The following WDFY3 variants were observed in gnomAD, a reference collection of about 807,000 sequenced individuals.
WDFY3 encodes the protein WD repeat and FYVE domain-containing protein 3.
WDFY3 carries 66 observed loss-of-function variants against 409.6 expected under a neutral mutation model. That is an observed-to-expected ratio of 0.16 (90% CI 0.13 to 0.20). The LOEUF is 0.20. Among genes scored for constraint, WDFY3 ranks in the 10% least tolerant of loss-of-function variants. The probability of loss-of-function intolerance (pLI) is 1.00; values close to 1 mark genes in which losing one functional copy is unlikely to be tolerated. For synonymous variants in WDFY3, 1,521 were observed against 1,537.1 expected (o/e 0.99, Z 0.25); for missense variants, 3,031 against 4,298.1 (o/e 0.71, Z 8.24).
chr4:84,839,316 A>G (rs1246937208), intron 6 of WDFY3, among the ~76,000 whole-genome samples: 10 of 152,156 alleles, frequency 6.6e-5, no homozygotes, highest in African/African-American at 2.2e-4. Context: ...TTGGTATAGT[A>G]ACATACATAC....
intron 2 of WDFY3, among the ~76,000 whole-genome samples, chr4:84,912,023 G>T (rs530630184): frequency 3.0e-4 from 45 of 152,288 alleles, no homozygotes; most frequent in Admixed American, 1.2e-3. Flanking sequence ...ACTGTGCGAT[G>T]CTAATTATCT....
chr4:84,702,596 A>G, intron 55 of WDFY3, 90 bp from the exon 56 acceptor site: 1 of 1,162,864 alleles, frequency 8.6e-7, no homozygotes, highest in African/African-American at 1.6e-5. Context: ...CTCCAACTAT[A>G]GTTGGTGACA....
intron 53 of WDFY3, 139 bp downstream of exon 53, chr4:84,708,770 G>A: frequency 1.2e-6 from 1 of 861,088 alleles, no homozygotes; most frequent in Non-Finnish European, 1.7e-6. Flanking sequence ...CAAAATCCTG[G>A]GCTCAAGTGA....
chr4:84,860,183 CTT>C lies in WDFY3; in HGVS notation c.180+227_180+228del, dbSNP rs539583672. On this transcript the variant is annotated intron_variant, in intron 4 of 67. Coordinates refer to ENST00000295888, the MANE Select transcript of WDFY3 (RefSeq NM_014991.6). ...TTTAGACAATGGCTCACAGCTTGCA[CTT>C]TATCTGTTAAAAATCAAAAAGTCTC... Among the ~76,000 whole-genome samples the C allele has an allele frequency of 2.3e-3, 356 of 152,304 alleles. 3 individuals are homozygous for C. Among genetic ancestry groups the C allele is most frequent in the African/African-American group, 8.4e-3 (348 of 41,576 alleles).
intron 3 of WDFY3, among the ~76,000 whole-genome samples, chr4:84,894,592 G>C (rs1765369377): frequency 1.3e-5 from 2 of 152,042 alleles, no homozygotes; most frequent in Admixed American, 1.3e-4. Context: ...TTCGAGAGCA[G>C]CCTGGCCAAC....
intron 47 of WDFY3, among the ~76,000 whole-genome samples, chr4:84,719,294 A>C (rs1265236845): frequency 6.6e-6 from 1 of 152,190 alleles, no homozygotes. Flanking sequence ...AGCTTGGCAG[A>C]AGTTGTATTT....
At chr4:84,958,429 T>G (rs1244423096) in intron 1 of WDFY3, among the ~76,000 whole-genome samples, 1 of 152,194 alleles carries the variant, frequency 6.6e-6, no homozygotes, top group Non-Finnish European at 1.5e-5. Flanking sequence ...AAGTTTTTTT[T>G]TAAAAAATTC....
At chr4:84,758,369 C>A (rs934083780) in intron 32 of WDFY3, among the ~76,000 whole-genome samples, 1 of 152,140 alleles carries the variant, frequency 6.6e-6, no homozygotes, top group Non-Finnish European at 1.5e-5. Context: ...CCTCAGCTTC[C>A]CCAGTAGCTA....
intron 1 of WDFY3, among the ~76,000 whole-genome samples, chr4:84,960,561 C>T (rs534847625): frequency 7.9e-5 from 12 of 152,266 alleles, no homozygotes; most frequent in Middle Eastern, 6.8e-3. Context: ...AAACAAACAT[C>T]TTTCATTATT....
intron 29 of WDFY3, 94 bp from the exon 30 acceptor site, chr4:84,773,023 A>G: frequency 1.0e-6 from 1 of 959,422 alleles, no homozygotes; most frequent in South Asian, 1.8e-5. Flanking sequence ...AAGAATAAAA[A>G]CCAAAACAGT....
At chr4:84,688,478 T>C (rs1728695970) in intron 61 of WDFY3, among the ~76,000 whole-genome samples, 1 of 152,148 alleles carries the variant, frequency 6.6e-6, no homozygotes, top group African/African-American at 2.4e-5. Flanking sequence ...GAGAGAAGCC[T>C]GGAGCACTCT....
chr4:84,732,125 G>A (rs1329935584), intron 44 of WDFY3, among the ~76,000 whole-genome samples: 1 of 152,106 alleles, frequency 6.6e-6, no homozygotes, highest in African/African-American at 2.4e-5. Flanking sequence ...GTGCTTTAAG[G>A]CACAGCTGCA....
chr4:84,931,231 A>G (rs1770725962), intron 2 of WDFY3, among the ~76,000 whole-genome samples: 1 of 152,204 alleles, frequency 6.6e-6, no homozygotes, highest in African/African-American at 2.4e-5. Flanking sequence ...TCCACATTTC[A>G]GTAGGAATAA....
chr4:84,925,718 G>A (rs569268102), intron 2 of WDFY3, among the ~76,000 whole-genome samples: 50 of 152,192 alleles, frequency 3.3e-4, no homozygotes, highest in Admixed American at 9.2e-4. Context: ...CAGTGGTCAT[G>A]TAAACAACGT....
intron 1 of WDFY3, among the ~76,000 whole-genome samples, chr4:84,947,253 C>G (rs1772975952): frequency 1.3e-5 from 2 of 151,164 alleles, no homozygotes; most frequent in African/African-American, 4.8e-5. Flanking sequence ...TGACTTATGC[C>G]TGTAATCCTA....
intron 62 of WDFY3, 117 bp downstream of exon 62, chr4:84,687,969 C>T (rs948018947): frequency 1.1e-4 from 117 of 1,095,324 alleles, no homozygotes; most frequent in Non-Finnish European, 1.3e-4. Flanking sequence ...AATCCTCCTG[C>T]GGTAGCCTCC....
intron 13 of WDFY3, among the ~76,000 whole-genome samples, 188 bp downstream of exon 13, chr4:84,817,204 G>A (rs1459056854): frequency 6.6e-6 from 1 of 152,128 alleles, no homozygotes; most frequent in Non-Finnish European, 1.5e-5. Flanking sequence ...ATCAGCAGAA[G>A]TAAAATATAT....
chr4:84,775,138 C>T lies in WDFY3; in HGVS notation c.4519G>A (p.Val1507Ile), dbSNP rs767214289. The part of the protein sequence containing the change: ...AFQDLLCDFE[V>I]WLHAPYELHL... ...AGTTCATATGGTGCATGGAGCCAGACCTATAATAAATAAAAACAGTAGTAT... is the reference window on the plus strand; with the variant it reads ...AGTTCATATGGTGCATGGAGCCAGATCTATAATAAATAAAAACAGTAGTAT... The change falls in exon 28 of 68, where the codon GTC (valine) becomes ATC (isoleucine). Residue 1507 changes from valine (V) to isoleucine (I), a missense_variant and splice_region_variant. Physicochemically the swap from Val to Ile is conservative, Grantham distance 29 (BLOSUM62 3). This residue lies in a region of WDFY3 where 55 missense variants were observed against 124.1 expected (regional missense o/e 0.44). Coordinates refer to ENST00000295888, the MANE Select transcript of WDFY3 (RefSeq NM_014991.6). 5.0e-6 allele frequency: 8 copies of T among 1,611,592 alleles called. No individual in the cohort carries two copies. Among genetic ancestry groups the T allele is most frequent in the Non-Finnish European group, 6.8e-6 (8 of 1,179,402 alleles).
At chr4:84,897,367 CT>C (rs1561029151) in intron 2 of WDFY3, among the ~76,000 whole-genome samples, 2 of 151,988 alleles carry the variant, frequency 1.3e-5, no homozygotes, top group Admixed American at 6.6e-5. Flanking sequence ...GGAAAATGCA[CT>C]TTTTTTATTT....
Sources: allele counts gnomAD v4.1 joint callset (sites outside exome capture counted in the v4.1 genomes callset), GRCh38; gene constraint gnomAD v4.1.1; regional missense constraint gnomAD v4.1.1; transcripts MANE v1.5; gene names NCBI Gene and HGNC (gene_info 2026-07-23, HGNC 2026-07-21).